Variants in TPO observed in about 807,000 individuals in gnomAD.
TPO encodes thyroid peroxidase.
TPO carries 78 observed loss-of-function variants against 96.9 expected under a neutral mutation model. The observed-to-expected ratio is 0.81, with a 90% CI of 0.67 to 0.97. TPO has a LOEUF of 0.97. TPO is among the 50% of genes least tolerant of loss of function. TPO has a pLI of 0.00. For synonymous variants in TPO, 547 were observed against 538.0 expected (o/e 1.02, Z -0.23); for missense variants, 1,252 against 1,274.8 (o/e 0.98, Z 0.27).
chr2:1,498,937 T>C (rs1051848407), intron 13 of TPO, among the ~76,000 whole-genome samples: 4 of 152,140 alleles, frequency 2.6e-5, no homozygotes, highest in African/African-American at 4.8e-5. Flanking sequence ...AAGGAATTGA[T>C]GGCAGGTGCT....
intron 1 of TPO, among the ~76,000 whole-genome samples, chr2:1,400,439 G>A (rs1662148651): frequency 6.6e-6 from 1 of 152,102 alleles, no homozygotes. Context: ...ATTGCAGTGA[G>A]CTGAGATCAC....
chr2:1,389,689 G>A (rs1055820933), intron 1 of TPO, among the ~76,000 whole-genome samples: 1 of 152,128 alleles, frequency 6.6e-6, no homozygotes, highest in Non-Finnish European at 1.5e-5. Flanking sequence ...TCCTGCCACT[G>A]ATAATCCATT....
intron 15 of TPO, among the ~76,000 whole-genome samples, chr2:1,524,688 C>T (rs1411592390): frequency 7.9e-6 from 1 of 127,294 alleles, no homozygotes; most frequent in South Asian, 2.7e-4. Flanking sequence ...CTCCCCAAAT[C>T]CCCCCACTGT....
At chr2:1,525,513 A>C (rs1371417331) in intron 15 of TPO, among the ~76,000 whole-genome samples, 9 of 87,292 alleles carry the variant, frequency 1.0e-4, no homozygotes, top group African/African-American at 4.4e-4. Flanking sequence ...ACTGGGTACA[A>C]CCTCCTCAAA....
At chr2:1,470,962 G>A (rs964606456) in intron 7 of TPO, among the ~76,000 whole-genome samples, 1 of 152,342 alleles carries the variant, frequency 6.6e-6, no homozygotes, top group East Asian at 1.9e-4. Flanking sequence ...TGATGGTGAT[G>A]CAGGTTTTCA....
chr2:1,422,947 C>A, intron 2 of TPO, 98 bp from the exon 3 acceptor site: 1 of 1,338,632 alleles, frequency 7.5e-7, no homozygotes, highest in South Asian at 1.2e-5. Flanking sequence ...GCCACGTGGG[C>A]ATCACCGCAG....
At chr2:1,482,172 C>T (rs569897901) in intron 8 of TPO, among the ~76,000 whole-genome samples, 9 of 152,342 alleles carry the variant, frequency 5.9e-5, no homozygotes, top group South Asian at 4.1e-4. Context: ...AGGGGCTACG[C>T]GGCTGTTTCC....
intron 10 of TPO, 48 bp from the exon 11 acceptor site, chr2:1,493,754 A>G (rs1558358674): frequency 6.2e-7 from 1 of 1,607,494 alleles, no homozygotes. Context: ...TGGGCTGAAC[A>G]AAAGTTCAGT....
At chr2:1,435,882 A>G (rs539860271) in intron 4 of TPO, among the ~76,000 whole-genome samples, 5 of 152,236 alleles carry the variant, frequency 3.3e-5, no homozygotes, top group Non-Finnish European at 7.3e-5. Context: ...CTAGGCACAC[A>G]TGCCTCACTG....
At chr2:1,429,372 G>C (rs951831595) in intron 3 of TPO, among the ~76,000 whole-genome samples, 2 of 152,058 alleles carry the variant, frequency 1.3e-5, no homozygotes, top group African/African-American at 4.8e-5. Context: ...TTCTTTTCTG[G>C]GTAAATTACC....
At position 1,436,306 on chromosome 2, in the gene TPO, C is replaced by A. The variant is rs61758083; in HGVS notation, c.404C>A (p.Pro135His). The A allele has an allele frequency of 2.4e-3, 3,940 of 1,614,228 alleles. 79 individuals are homozygous for A. In the South Asian group the frequency reaches 0.035, roughly 14 times the overall value. Reference protein sequence around the residue: ...SIIANMSGCLPYMLPPKCPNT... With the variant: ...SIIANMSGCLHYMLPPKCPNT... ...ATTGCAAACATGTCTGGATGTCTCCCTTACATGCTGCCCCCAAAATGCCCA... is the reference window on the plus strand; with the variant it reads ...ATTGCAAACATGTCTGGATGTCTCCATTACATGCTGCCCCCAAAATGCCCA... The change falls in exon 5 of 17, where the codon CCT (proline) becomes CAT (histidine). Residue 135 changes from proline (P) to histidine (H), a missense_variant. Pro to His is a moderately conservative substitution (Grantham distance 77). Coordinates refer to ENST00000329066, the MANE Select transcript of TPO (RefSeq NM_001206744.2).
At chr2:1,483,800 C>T (rs375523803) in intron 8 of TPO, among the ~76,000 whole-genome samples, 3 of 152,310 alleles carry the variant, frequency 2.0e-5, no homozygotes, top group Middle Eastern at 3.4e-3. Context: ...ACAAGACTCA[C>T]GGCTCTCCCT....
chr2:1,447,177 T>C (rs1465616658), intron 5 of TPO, among the ~76,000 whole-genome samples: 1 of 152,196 alleles, frequency 6.6e-6, no homozygotes, highest in Non-Finnish European at 1.5e-5. Context: ...GAATTTCTGC[T>C]AGAACAGACT....
intron 1 of TPO, among the ~76,000 whole-genome samples, chr2:1,380,550 C>T (rs1292473794): frequency 2.0e-5 from 3 of 151,898 alleles, no homozygotes; most frequent in South Asian, 2.1e-4. Context: ...GATATGGAAA[C>T]TCATGATGAA....
chr2:1,445,167 TG>T (rs59730073), intron 5 of TPO, among the ~76,000 whole-genome samples: 2 of 94,226 alleles, frequency 2.1e-5, no homozygotes, highest in East Asian at 3.5e-4. Context: ...TGGAAGGAAA[TG>T]GGGCAGGCTC....
chr2:1,458,962 C>A (rs2148607594), intron 7 of TPO, among the ~76,000 whole-genome samples: 1 of 152,158 alleles, frequency 6.6e-6, no homozygotes, highest in East Asian at 1.9e-4. Flanking sequence ...CATGTGCACA[C>A]CTGATAGATC....
intron 2 of TPO, among the ~76,000 whole-genome samples, chr2:1,422,344 C>CCTCGTGCAGGCGCCTCTCCTGGGCA (rs1558264301): frequency 1.3e-5 from 1 of 77,520 alleles, no homozygotes; most frequent in African/African-American, 4.7e-5. Flanking sequence ...TCTCCTGGAC[C>CCTCGTGCAGGCGCCTCTCCTGGGCA]GACCTCGTGC....
intron 7 of TPO, among the ~76,000 whole-genome samples, chr2:1,473,219 G>T (rs10201842): frequency 0.44 from 66,175 of 152,022 alleles, 14,616 homozygotes; most frequent in East Asian, 0.49. Flanking sequence ...GTGACCTCCT[G>T]GGTGGTATTA....
At chr2:1,481,643 A>C (rs1208957343) in intron 8 of TPO, among the ~76,000 whole-genome samples, 1 of 152,192 alleles carries the variant, frequency 6.6e-6, no homozygotes, top group Admixed American at 6.5e-5. Context: ...CCTTTGCTGT[A>C]GCTGAGTACT....
Sources: allele counts gnomAD v4.1 joint callset (sites outside exome capture counted in the v4.1 genomes callset), GRCh38; gene constraint gnomAD v4.1.1; transcripts MANE v1.5; gene names NCBI Gene and HGNC (gene_info 2026-07-23, HGNC 2026-07-21).